DNAH7: variants seen among roughly 807,000 people sequenced by gnomAD.
DNAH7 encodes axonemal beta dynein heavy chain 7.
Under a neutral mutation model 444.6 loss-of-function variants are expected in DNAH7, and 397 were observed. That is an observed-to-expected ratio of 0.89 (90% CI 0.82 to 0.97). The LOEUF is 0.97. Ranked by LOEUF, DNAH7 falls within the 50% of genes least tolerant of loss-of-function variation. The pLI is 0.00. For synonymous variants in DNAH7, 1,636 were observed against 1,624.4 expected, an observed-to-expected ratio of 1.01 and a Z score of -0.17; for missense variants, 4,902 against 4,800.8, an observed-to-expected ratio of 1.02 and a Z score of -0.62.
chr2:195,887,784 A>T (rs572637232), intron 33 of DNAH7, among the ~76,000 whole-genome samples: 42 of 152,124 alleles, frequency 2.8e-4, no homozygotes, highest in African/African-American at 9.9e-4. Flanking sequence ...GAGGCAGGAG[A>T]TTCCCATTTC....
At chr2:195,953,264 G>C (rs555968112) in intron 19 of DNAH7, among the ~76,000 whole-genome samples, 1 of 152,270 alleles carries the variant, frequency 6.6e-6, no homozygotes, top group Non-Finnish European at 1.5e-5. Context: ...ACCAGCAGAG[G>C]CTGCAGAACA....
At position 195,987,065 on chromosome 2, in the gene DNAH7, C is replaced by T; in HGVS notation, c.1754+1G>A. The stretch of plus-strand genomic sequence containing the variant: ...TAAAAAAACCAGTATCACATAAATA[C>T]CTTGTATTTACTTCCTGATGATCTC... On this transcript the variant is annotated splice_donor_variant, in intron 14 of 64. Coordinates refer to ENST00000312428, the MANE Select transcript of DNAH7 (RefSeq NM_018897.3). LOFTEE classifies it high-confidence loss of function. 3 of 1,589,892 alleles carry T rather than the reference C, an allele frequency of 1.9e-6. No individual in the cohort carries two copies. Among genetic ancestry groups the T allele is most frequent in the Middle Eastern group, 1.7e-4 (1 of 5,962 alleles).
intron 54 of DNAH7, among the ~76,000 whole-genome samples, chr2:195,802,199 T>G (rs1435477030): frequency 6.6e-6 from 1 of 152,224 alleles, no homozygotes; most frequent in East Asian, 1.9e-4. Context: ...GTTTTGTTTT[T>G]TGTTCTTATT....
intron 63 of DNAH7, among the ~76,000 whole-genome samples, chr2:195,742,562 T>C (rs779583197): frequency 2.6e-5 from 4 of 152,198 alleles, no homozygotes; most frequent in Admixed American, 2.0e-4. Flanking sequence ...TTATTTCTCA[T>C]GGCTAGTAAG....
chr2:195,756,129 T>C lies in DNAH7; in HGVS notation c.11586+4A>G. The C allele has an allele frequency of 6.3e-7, 1 of 1,593,998 alleles. No individual in the cohort carries two copies. Reference sequence around the variant, plus strand: ...ACAATATACGATCATTTAGACGAACTTACCTGCAAGAATTTTAGTCTTGCA... The same window carrying C: ...ACAATATACGATCATTTAGACGAACCTACCTGCAAGAATTTTAGTCTTGCA... On this transcript the variant is annotated splice_donor_region_variant and intron_variant, in intron 62 of 64. Coordinates refer to ENST00000312428, the MANE Select transcript of DNAH7 (RefSeq NM_018897.3).
chr2:195,788,906 T>G (rs1410219875), intron 57 of DNAH7, among the ~76,000 whole-genome samples: 1 of 152,242 alleles, frequency 6.6e-6, no homozygotes, highest in Non-Finnish European at 1.5e-5. Flanking sequence ...TATTTGTATA[T>G]TTGTGTATGT....
Position 195,808,828 on chromosome 2 carries a change from C to A in DNAH7, c.9937G>T (p.Asp3313Tyr). The A allele has an allele frequency of 1.2e-6, 2 of 1,613,886 alleles. No individual in the cohort carries two copies. The highest frequency in any genetic ancestry group is 1.7e-6 in the Non-Finnish European group (2 of 1,179,896). ...GTACAAAGGTTGGCATAAGGATTATCCAGTCCAATGCCACCAGTTAGCAGA... is the reference window on the plus strand; with the variant it reads ...GTACAAAGGTTGGCATAAGGATTATACAGTCCAATGCCACCAGTTAGCAGA... Reference protein sequence around the residue: ...RFLLTGGIGLDNPYANLCTWL... With the variant: ...RFLLTGGIGLYNPYANLCTWL... Residue 3313 changes from aspartate to tyrosine, a missense_variant, in exon 53 of 65, where the codon GAT (aspartate) becomes TAT (tyrosine). Coordinates refer to ENST00000312428, the MANE Select transcript of DNAH7 (RefSeq NM_018897.3).
At position 195,911,761 on chromosome 2, in the gene DNAH7, G is replaced by A. The variant is rs142856903; in HGVS notation, c.3936-1566C>T. 3.3e-5 allele frequency among the ~76,000 whole-genome samples: 5 copies of A among 152,248 alleles called. No homozygotes were observed. The East Asian group carries it at 9.7e-4, about 29-fold the overall frequency. On this transcript the variant is annotated intron_variant, in intron 24 of 64. Coordinates refer to ENST00000312428, the MANE Select transcript of DNAH7 (RefSeq NM_018897.3). ...AGCTACTCTGTCATTTAATAACTGA[G>A]CAAAGACACACAAAGAAGCATTTTT...
chr2:195,751,658 G>A (rs1032319376), intron 63 of DNAH7, among the ~76,000 whole-genome samples: 48 of 152,196 alleles, frequency 3.2e-4, no homozygotes, highest in African/African-American at 1.2e-3. Flanking sequence ...AGATCCCAAA[G>A]AGAAAAGAAC....
At chr2:196,056,419 GA>G (rs57708138) in intron 2 of DNAH7, among the ~76,000 whole-genome samples, 10,986 of 115,212 alleles carry the variant, frequency 0.095, 472 homozygotes, top group African/African-American at 0.14. Context: ...CACTCTGTCT[GA>G]AAAAAAAAAA....
At chr2:196,026,339 T>C (rs922615306) in intron 7 of DNAH7, among the ~76,000 whole-genome samples, 9 of 152,216 alleles carry the variant, frequency 5.9e-5, no homozygotes, top group Non-Finnish European at 1.2e-4. Context: ...CTAATGTTCA[T>C]TGTTAATGCT....
Position 195,939,623 on chromosome 2 carries a change from T to C in DNAH7, c.3079-2831A>G, listed in dbSNP as rs369079764. Among the ~76,000 whole-genome samples, 19 of 152,280 alleles carry C rather than the reference T, an allele frequency of 1.2e-4. 1 individual carries two copies. Among genetic ancestry groups the C allele is most frequent in the East Asian group, 5.8e-4 (3 of 5,182 alleles). ...CTTTCTGTCTCCTAAAGGGGAAGAA[T>C]TGAATTATTAATTGTCATTTTTTTG... On this transcript the variant is annotated intron_variant, in intron 19 of 64. Transcript: ENST00000312428.
At chr2:195,793,036 C>G (rs1476838854) in intron 57 of DNAH7, among the ~76,000 whole-genome samples, 1 of 152,030 alleles carries the variant, frequency 6.6e-6, no homozygotes, top group Non-Finnish European at 1.5e-5. Flanking sequence ...CTCCAGCGAT[C>G]CTCCCTCCTC....
rs4850646 is a variant in DNAH7, at chr2:195,931,391, T to C, written c.3471+3200A>G. 9.1e-3 allele frequency among the ~76,000 whole-genome samples: 1,385 copies of C among 152,080 alleles called. 42 individuals carry two copies. The highest frequency in any genetic ancestry group is 0.087 in the East Asian group (446 of 5,148). On this transcript the variant is annotated intron_variant, in intron 21 of 64. Transcript: ENST00000312428. ...GTAGGTTGCCTGTTCACTCTGATGG[T>C]AGTTTCTTTTGCTGTGCAGAAGCTC... is the stretch of plus-strand genomic sequence containing the variant.
At chr2:195,776,107 T>C in intron 59 of DNAH7, 124 bp from the exon 60 acceptor site, 1 of 1,214,126 alleles carries the variant, frequency 8.2e-7, no homozygotes, top group Non-Finnish European at 1.1e-6. Context: ...ACACTGGACA[T>C]TGAGTGCTTT....
intron 1 of DNAH7, among the ~76,000 whole-genome samples, chr2:196,067,430 T>A (rs767347582): frequency 1.9e-4 from 29 of 149,200 alleles, no homozygotes; most frequent in Non-Finnish European, 3.9e-4. Context: ...ATTAAACAAT[T>A]GCTCAGTGTT....
chr2:195,813,202 T>C (rs935389234), intron 51 of DNAH7, among the ~76,000 whole-genome samples: 2 of 152,190 alleles, frequency 1.3e-5, no homozygotes, highest in Non-Finnish European at 2.9e-5. Flanking sequence ...AATGGATAAA[T>C]GATTTGTGTT....
At chr2:195,961,382 T>C (rs61472649) in intron 17 of DNAH7, among the ~76,000 whole-genome samples, 23,956 of 148,638 alleles carry the variant, frequency 0.16, 2,286 homozygotes, top group African/African-American at 0.26. Flanking sequence ...GACCAACATC[T>C]TCCCCAATCC....
chr2:196,039,096 T>C (rs1042134323), intron 5 of DNAH7, among the ~76,000 whole-genome samples: 6 of 152,122 alleles, frequency 3.9e-5, no homozygotes, highest in Admixed American at 3.3e-4. Context: ...CATCAGTGCA[T>C]GGAACATACT....
Sources: gnomAD v4.1 joint callset for allele counts (sites outside exome capture counted in the v4.1 genomes callset) on GRCh38, gnomAD v4.1.1 for gene constraint, MANE v1.5 for transcripts, NCBI Gene and HGNC (gene_info 2026-07-23, HGNC 2026-07-21) for gene names.